PRKCH: variants seen among roughly 807,000 people sequenced by gnomAD.
PRKCH encodes the protein protein kinase C eta type.
In PRKCH, 28 loss-of-function variants were observed where a neutral mutation model predicts 82.5. The observed-to-expected ratio is 0.34, with a 90% CI of 0.25 to 0.47. PRKCH has a LOEUF of 0.47. Ranked by LOEUF, PRKCH falls within the 20% of genes least tolerant of loss-of-function variation. The pLI is 1.00. For missense variants in PRKCH, 705 were observed against 881.8 expected (o/e 0.80, Z 2.54); for synonymous variants, 322 against 327.4 (o/e 0.98, Z 0.18).
At chr14:61,406,569 C>T (rs1025834382) in intron 2 of PRKCH, among the ~76,000 whole-genome samples, 1 of 152,078 alleles carries the variant, frequency 6.6e-6, no homozygotes, top group African/African-American at 2.4e-5. Flanking sequence ...ACAGTTTTTT[C>T]GTAGTATATA....
intron 1 of PRKCH, among the ~76,000 whole-genome samples, chr14:61,370,988 G>A (rs1400378134): frequency 6.6e-6 from 1 of 152,058 alleles, no homozygotes; most frequent in Non-Finnish European, 1.5e-5. Flanking sequence ...ACACAGTCTA[G>A]AAAGGCCAGA....
chr14:61,444,995 C>T (rs1884152767), intron 3 of PRKCH, among the ~76,000 whole-genome samples: 1 of 152,168 alleles, frequency 6.6e-6, no homozygotes, highest in African/African-American at 2.4e-5. Flanking sequence ...TTGTGTGCTG[C>T]CTCCCGTGGC....
intron 1 of PRKCH, among the ~76,000 whole-genome samples, chr14:61,375,706 A>G (rs2046420136): frequency 6.6e-6 from 1 of 152,000 alleles, no homozygotes; most frequent in South Asian, 2.1e-4. Flanking sequence ...GTCTGCCTCC[A>G]TGATTCAGTC....
intron 2 of PRKCH, among the ~76,000 whole-genome samples, chr14:61,420,537 A>G (rs1465141912): frequency 6.6e-6 from 1 of 152,184 alleles, no homozygotes; most frequent in Non-Finnish European, 1.5e-5. Context: ...TCCTAACTTC[A>G]TTCCACAGCT....
At chr14:61,481,166 T>C (rs1328409965) in intron 9 of PRKCH, among the ~76,000 whole-genome samples, 1 of 152,196 alleles carries the variant, frequency 6.6e-6, no homozygotes, top group Admixed American at 6.5e-5. Flanking sequence ...GTCATATTAG[T>C]TTTAGGAGAC....
intron 1 of PRKCH, among the ~76,000 whole-genome samples, chr14:61,297,437 A>G (rs2045414503): frequency 6.6e-6 from 1 of 152,156 alleles, no homozygotes. Flanking sequence ...CCTCCACTTC[A>G]GAGCATTATG....
chr14:61,403,079 G>A (rs1018821286), intron 2 of PRKCH, among the ~76,000 whole-genome samples: 1 of 151,966 alleles, frequency 6.6e-6, no homozygotes, highest in Non-Finnish European at 1.5e-5. Flanking sequence ...TTTGCAAATT[G>A]TAAAATAATG....
chr14:61,280,592 A>G lies in PRKCH; in HGVS notation c.-19+92924A>G. 6.3e-7 allele frequency: 1 copy of G among 1,595,096 alleles called. No individual in the cohort carries two copies. Among genetic ancestry groups the G allele is most frequent in the African/African-American group, 1.3e-5 (1 of 74,710 alleles). Reference sequence around the variant, plus strand: ...GAGCGGTCGAGCGGCACCTCGACGTAGGGCCCGCCGGGCTGGCGCTGGTGC... The same window carrying G: ...GAGCGGTCGAGCGGCACCTCGACGTGGGGCCCGCCGGGCTGGCGCTGGTGC... On this transcript the variant is annotated intron_variant, in intron 1 of 3. Coordinates refer to the PRKCH transcript ENST00000555185. The surrounding 1 kb of genome is among the most constrained non-coding windows in gnomAD (Gnocchi z 5.0).
At chr14:61,384,718 T>C (rs748331896) in intron 1 of PRKCH, among the ~76,000 whole-genome samples, 8 of 152,014 alleles carry the variant, frequency 5.3e-5, no homozygotes, top group Non-Finnish European at 1.0e-4. Flanking sequence ...AGGGTGCACG[T>C]TGGGAATCAT....
intron 10 of PRKCH, among the ~76,000 whole-genome samples, chr14:61,496,406 G>C (rs948787214): frequency 1.3e-5 from 2 of 152,202 alleles, no homozygotes; most frequent in Non-Finnish European, 2.9e-5. Context: ...AATCCATGCA[G>C]GTGCTGAGTT....
rs757570590 is a variant in PRKCH, at chr14:61,280,534, T to G, written c.-19+92866T>G. ...GTTGACCAGCGGCGGGTTGCGGAAC[T>G]TGACGTGGTAGTCGGTCCACCAGGC... is the stretch of plus-strand genomic sequence containing the variant. On this transcript the variant is annotated intron_variant, in intron 1 of 3. Coordinates refer to the PRKCH transcript ENST00000555185. The surrounding 1 kb of genome is among the most constrained non-coding windows in gnomAD (Gnocchi z 5.0). 5 of 1,612,460 alleles carry G rather than the reference T, an allele frequency of 3.1e-6. No homozygotes were observed. Among genetic ancestry groups the G allele is most frequent in the Non-Finnish European group, 4.2e-6 (5 of 1,179,478 alleles).
intron 1 of PRKCH, among the ~76,000 whole-genome samples, chr14:61,363,946 A>G (rs1246073408): frequency 6.7e-6 from 1 of 148,658 alleles, no homozygotes; most frequent in Non-Finnish European, 1.5e-5. Flanking sequence ...ATGTAAATAT[A>G]TAAAATTTTA....
At chr14:61,223,046 C>A (rs1406519015) in intron 1 of PRKCH, among the ~76,000 whole-genome samples, 1 of 152,114 alleles carries the variant, frequency 6.6e-6, no homozygotes, top group Admixed American at 6.5e-5. Context: ...CACCAAGCAG[C>A]CCATCTCTTA....
At position 61,533,343 on chromosome 14, in the gene PRKCH, T is replaced by TG. The variant is rs1222691715; in HGVS notation, c.1761+2748_1761+2749insG. On this transcript the variant is annotated intron_variant, in intron 12 of 13. Transcript: ENST00000332981. ...GATTTCTGGGATTTTTTTTTTTTTT[T>TG]TGTGCATTTTACTCTCCATGCCTAA... Among the ~76,000 whole-genome samples, 6 of 146,092 alleles carry TG rather than the reference T, an allele frequency of 4.1e-5. No homozygotes were observed. In the East Asian group the frequency reaches 5.9e-4, roughly 14 times the overall value.
At chr14:61,409,152 G>A (rs895090070) in intron 2 of PRKCH, among the ~76,000 whole-genome samples, 6 of 152,176 alleles carry the variant, frequency 3.9e-5, no homozygotes, top group African/African-American at 1.4e-4. Context: ...GGTGAGGACC[G>A]ACTGTGCCAT....
intron 2 of PRKCH, among the ~76,000 whole-genome samples, chr14:61,440,991 C>T (rs951423080): frequency 4.0e-5 from 6 of 150,402 alleles, no homozygotes; most frequent in African/African-American, 1.5e-4. Context: ...AATCATGGCT[C>T]ATTATAGCCT....
At chr14:61,247,720 A>T (rs1436681082) in intron 1 of PRKCH, among the ~76,000 whole-genome samples, 1 of 111,566 alleles carries the variant, frequency 9.0e-6, no homozygotes, top group Non-Finnish European at 1.7e-5. Flanking sequence ...TGAGAGACAG[A>T]GTGAGACTCC....
At chr14:61,270,564 A>G (rs1308394011) in intron 1 of PRKCH, among the ~76,000 whole-genome samples, 2 of 152,252 alleles carry the variant, frequency 1.3e-5, no homozygotes, top group African/African-American at 4.8e-5. Flanking sequence ...AAGAAAACAC[A>G]TTTAAAAATT....
Position 61,375,270 on chromosome 14 carries a change from A to G in PRKCH, c.364-15955A>G, listed in dbSNP as rs377747421. ...CTTGGACTTCATTGTCCATATCGCT[A>G]TCAGCATTTTGGTCTCAACCATTGA... On this transcript the variant is annotated intron_variant, in intron 1 of 13. Coordinates refer to ENST00000332981, the MANE Select transcript of PRKCH (RefSeq NM_006255.5). Among the ~76,000 whole-genome samples, 12 of 152,206 alleles carry G rather than the reference A, an allele frequency of 7.9e-5. 1 individual carries two copies. The highest frequency in any genetic ancestry group is 2.2e-4 in the African/African-American group (9 of 41,442).
Sources: allele counts gnomAD v4.1 joint callset (sites outside exome capture counted in the v4.1 genomes callset), GRCh38; gene constraint gnomAD v4.1.1; non-coding constraint Gnocchi (gnomAD v3.1); transcripts MANE v1.5; gene names NCBI Gene and HGNC (gene_info 2026-07-23, HGNC 2026-07-21).